The following NIPBL variants were observed in gnomAD, a reference collection of about 807,000 sequenced individuals.
The protein encoded by NIPBL is NIPBL cohesin loading factor.
A neutral mutation model predicts 321.8 loss-of-function variants in NIPBL; 19 were observed. The observed-to-expected ratio is 0.06, with a 90% CI of 0.04 to 0.09. The LOEUF is 0.09. Among genes scored for constraint, NIPBL ranks in the 10% least tolerant of loss-of-function variants. The pLI is 1.00. For missense variants in NIPBL, 2,210 were observed against 3,327.0 expected (o/e 0.66, Z 8.26); for synonymous variants, 1,106 against 1,114.1 (o/e 0.99, Z 0.14).
At chr5:37,000,754 C>A in intron 12 of NIPBL, 63 bp from the exon 13 acceptor site, 1 of 1,450,352 alleles carries the variant, frequency 6.9e-7, no homozygotes, top group Non-Finnish European at 9.6e-7. Flanking sequence ...AAACTAGAAA[C>A]AAAAATGGAA....
Position 36,957,756 on chromosome 5 carries a change from GC to G in NIPBL, c.231-347del, listed in dbSNP as rs553696180. On this transcript the variant is annotated intron_variant, in intron 3 of 46. Transcript: ENST00000282516. ...CCAGCACTTTGGGAGGCCGAGGCGG[GC>G]AGACCATCTGAGGTCAGGAGTTAGA... Among the ~76,000 whole-genome samples, 1,475 of 152,282 alleles carry G rather than the reference GC, an allele frequency of 9.7e-3. 33 individuals carry two copies. The highest frequency in any genetic ancestry group is 0.034 in the African/African-American group (1,428 of 41,566).
At chr5:36,975,698 ACTTAT>A in intron 8 of NIPBL, 73 bp from the exon 9 acceptor site, 1 of 1,324,112 alleles carries the variant, frequency 7.6e-7, no homozygotes, top group Non-Finnish European at 1.1e-6. Flanking sequence ...CTATATTGTC[ACTTAT>A]TAATATTTCT....
At chr5:36,967,169 G>A (rs1475625890) in intron 6 of NIPBL, among the ~76,000 whole-genome samples, 3 of 151,902 alleles carry the variant, frequency 2.0e-5, no homozygotes, top group African/African-American at 7.2e-5. Flanking sequence ...TAGCCAAGTC[G>A]ATACAGAAAG....
intron 1 of NIPBL, among the ~76,000 whole-genome samples, chr5:36,912,428 A>AGG (rs1177023780): frequency 6.6e-6 from 1 of 152,094 alleles, no homozygotes; most frequent in Non-Finnish European, 1.5e-5. Context: ...TGGAGCGGTC[A>AGG]GTCTGAGAAT....
rs1561235418 is a variant in NIPBL, at chr5:37,065,715, G to T, written c.*823G>T. On this transcript the variant is annotated 3_prime_UTR_variant, in exon 47 of 47. Transcript: ENST00000282516. ...GAGGGTGTAAACAATTAACTCCAGG[G>T]TTTTATTGTATCCTGCAATATTTAG... 6.6e-6 allele frequency: 1 copy of T among 152,464 alleles called. No individual in the cohort carries two copies. Among genetic ancestry groups the T allele is most frequent in the East Asian group, 1.9e-4 (1 of 5,186 alleles). The allele number at this position is 152,464 out of a possible 1,614,324, so 9.4% of individuals were successfully genotyped here. A position where few individuals can be genotyped will look rare whatever the true frequency, so the allele number is the denominator to read the frequency against.
chr5:36,914,262 A>C (rs1256249946), intron 1 of NIPBL, among the ~76,000 whole-genome samples: 2 of 152,214 alleles, frequency 1.3e-5, no homozygotes, highest in African/African-American at 2.4e-5. Context: ...TGAACTGTAA[A>C]TGTGTCTGTC....
intron 14 of NIPBL, 71 bp from the exon 15 acceptor site, chr5:37,002,591 G>C: frequency 9.5e-7 from 1 of 1,055,552 alleles, no homozygotes; most frequent in South Asian, 1.3e-5. Context: ...TTATTAGAAA[G>C]TTAAGCTTGA....
intron 10 of NIPBL, chr5:36,995,285 T>G (rs1351925858): frequency 9.6e-6 from 2 of 207,980 alleles, no homozygotes; most frequent in Non-Finnish European, 1.9e-5. Flanking sequence ...TTACCACAAA[T>G]CCACTTGCTA....
intron 1 of NIPBL, among the ~76,000 whole-genome samples, chr5:36,896,459 A>G (rs553603058): frequency 9.2e-5 from 14 of 152,312 alleles, no homozygotes; most frequent in African/African-American, 3.1e-4. Context: ...TCTGCAAAAT[A>G]GGCAGCTGCA....
chr5:36,877,061 T>A lies in NIPBL; in HGVS notation c.-197T>A. On this transcript the variant is annotated 5_prime_UTR_variant, in exon 1 of 47. It introduces an in-frame stop codon into an upstream open reading frame of the 5' UTR. Transcript: ENST00000282516. The stretch of plus-strand genomic sequence containing the variant: ...GCTGGTCTCCCCCCGGCTCTACATG[T>A]TCCCCGCACTGAGGAGACGGAAGAG... 1 of 321,974 alleles carries A rather than the reference T, an allele frequency of 3.1e-6. No homozygotes were observed. The highest frequency in any genetic ancestry group is 5.6e-6 in the Non-Finnish European group (1 of 177,698). 19.9% of individuals were successfully genotyped at this position (321,974 alleles called of 1,614,324 possible).
At chr5:37,040,852 C>T (rs34066351) in intron 34 of NIPBL, among the ~76,000 whole-genome samples, 1 of 152,152 alleles carries the variant, frequency 6.6e-6, no homozygotes, top group African/African-American at 2.4e-5. Flanking sequence ...ATTTAGTATT[C>T]TTTGCCAGTC....
At chr5:36,969,672 G>C (rs1742639186) in intron 6 of NIPBL, among the ~76,000 whole-genome samples, 1 of 152,126 alleles carries the variant, frequency 6.6e-6, no homozygotes, top group South Asian at 2.1e-4. Context: ...GTCTTTTTAT[G>C]ACTTTGTGTA....
At chr5:36,991,176 A>T (rs1441758837) in intron 10 of NIPBL, among the ~76,000 whole-genome samples, 2 of 152,196 alleles carry the variant, frequency 1.3e-5, no homozygotes, top group Middle Eastern at 3.4e-3. Context: ...ATTCTCTTTT[A>T]AACTTATTAC....
chr5:37,064,253 TAA>T, intron 46 of NIPBL: 8 of 1,374,474 alleles, frequency 5.8e-6, no homozygotes, highest in Non-Finnish European at 7.5e-6. Flanking sequence ...TTATTGTTGC[TAA>T]GTTTTATGTA....
intron 10 of NIPBL, among the ~76,000 whole-genome samples, chr5:36,988,612 C>A (rs747428100): frequency 1.3e-5 from 2 of 151,760 alleles, no homozygotes; most frequent in Non-Finnish European, 2.9e-5. Flanking sequence ...GTATATGAAG[C>A]ACAGTTGTAG....
intron 1 of NIPBL, among the ~76,000 whole-genome samples, chr5:36,899,536 T>C: frequency 6.6e-6 from 1 of 152,334 alleles, no homozygotes; most frequent in South Asian, 2.1e-4. Context: ...TAAAAGGAAA[T>C]TCAGCTTAAA....
At chr5:37,024,173 AAAAAAGAAGTAACCAT>A (rs1359452700) in intron 29 of NIPBL, among the ~76,000 whole-genome samples, 1 of 152,078 alleles carries the variant, frequency 6.6e-6, no homozygotes. Flanking sequence ...TCCCAAAAAA[AAAAAAGAAGTAACCAT>A]AAGATAGTGC....
At chr5:36,928,415 C>T (rs1561396337) in intron 1 of NIPBL, among the ~76,000 whole-genome samples, 1 of 152,022 alleles carries the variant, frequency 6.6e-6, no homozygotes, top group East Asian at 1.9e-4. Context: ...ATTGTTAGTA[C>T]TGTATATGAT....
chr5:37,044,917 C>A (rs1318338801), intron 36 of NIPBL, among the ~76,000 whole-genome samples, 188 bp downstream of exon 36: 1 of 152,154 alleles, frequency 6.6e-6, no homozygotes, highest in Non-Finnish European at 1.5e-5. Context: ...GTGATTACTT[C>A]AGAAATTTAT....
Sources: allele counts gnomAD v4.1 joint callset (sites outside exome capture counted in the v4.1 genomes callset), GRCh38; gene constraint gnomAD v4.1.1; transcripts MANE v1.5; gene names NCBI Gene and HGNC (gene_info 2026-07-23, HGNC 2026-07-21).